The following ANKS1B variants were observed in gnomAD, a reference collection of about 807,000 sequenced individuals.
ANKS1B encodes the protein ankyrin repeat and sterile alpha motif domain-containing protein 1B.
ANKS1B carries 36 observed loss-of-function variants against 148.3 expected under a neutral mutation model. The ratio of observed to expected loss-of-function variants is 0.24; its 90% confidence interval spans 0.19 to 0.32. The LOEUF is 0.32. ANKS1B is among the 10% of genes least tolerant of loss of function. The pLI is 1.00. For synonymous variants in ANKS1B, 542 were observed against 560.8 expected (o/e 0.97, Z 0.47); for missense variants, 1,157 against 1,542.6 (o/e 0.75, Z 4.19).
intron 8 of ANKS1B, among the ~76,000 whole-genome samples, chr12:99,765,203 T>A (rs1016652737): frequency 6.6e-6 from 1 of 152,202 alleles, no homozygotes; most frequent in Non-Finnish European, 1.5e-5. Context: ...AAAACCTACC[T>A]CATGGGATTG....
At chr12:98,872,598 C>T (rs1342699107) in intron 17 of ANKS1B, among the ~76,000 whole-genome samples, 1 of 152,072 alleles carries the variant, frequency 6.6e-6, no homozygotes. Flanking sequence ...AAGCCCTAAT[C>T]CCATAAAACT....
At chr12:99,327,514 A>T (rs1473038878) in intron 12 of ANKS1B, among the ~76,000 whole-genome samples, 1 of 143,330 alleles carries the variant, frequency 7.0e-6, no homozygotes, top group Non-Finnish European at 1.5e-5. Context: ...AGGTTTGTAT[A>T]CATATACTCT....
chr12:99,725,595 A>G (rs181377429), intron 8 of ANKS1B, among the ~76,000 whole-genome samples: 5 of 152,192 alleles, frequency 3.3e-5, no homozygotes, highest in Admixed American at 1.3e-4. Context: ...GGACACATCA[A>G]TGAGACAGAA....
intron 10 of ANKS1B, among the ~76,000 whole-genome samples, chr12:99,453,184 G>A (rs986551369): frequency 2.6e-5 from 4 of 152,082 alleles, no homozygotes; most frequent in Admixed American, 6.5e-5. Context: ...CAGCTACTCC[G>A]GAGGCTGAGC....
chr12:99,825,859 A>G (rs2083115515), intron 1 of ANKS1B, among the ~76,000 whole-genome samples: 1 of 152,174 alleles, frequency 6.6e-6, no homozygotes, highest in Non-Finnish European at 1.5e-5. Flanking sequence ...TTGCTCTTCA[A>G]TTGCAACCAG....
intron 1 of ANKS1B, among the ~76,000 whole-genome samples, chr12:99,842,333 A>G (rs2085879978): frequency 6.6e-6 from 1 of 152,130 alleles, no homozygotes; most frequent in Non-Finnish European, 1.5e-5. Context: ...ATTTATTTAG[A>G]ATTTTTTTGA....
intron 8 of ANKS1B, among the ~76,000 whole-genome samples, chr12:99,762,761 C>T (rs1190953802): frequency 2.6e-5 from 4 of 152,036 alleles, no homozygotes; most frequent in African/African-American, 4.8e-5. Flanking sequence ...ACAATCCATG[C>T]ATCTGACAAA....
chr12:99,979,943 T>C lies in ANKS1B; in HGVS notation c.134+4161A>G, dbSNP rs1014702604. ...TGTTGAATTTAGGTTATAGAAAACATGCTTATTACATCTCTGGATGATACA... is the reference window on the plus strand; with the variant it reads ...TGTTGAATTTAGGTTATAGAAAACACGCTTATTACATCTCTGGATGATACA... On this transcript the variant is annotated intron_variant, in intron 1 of 26. Transcript: ENST00000683438. Among the ~76,000 whole-genome samples the C allele has an allele frequency of 4.6e-5, 7 of 152,052 alleles. No homozygotes were observed. In the South Asian group the frequency reaches 8.3e-4, roughly 18 times the overall value.
At chr12:99,660,355 T>C (rs910693438) in intron 8 of ANKS1B, among the ~76,000 whole-genome samples, 4 of 133,744 alleles carry the variant, frequency 3.0e-5, no homozygotes, top group African/African-American at 8.9e-5. Context: ...ATCTTTCTTT[T>C]TCTTTTTCTT....
chr12:98,765,520 T>A (rs2098468870), intron 25 of ANKS1B, among the ~76,000 whole-genome samples: 1 of 151,932 alleles, frequency 6.6e-6, no homozygotes, highest in Admixed American at 6.6e-5. Flanking sequence ...TGCCTCAGCA[T>A]CCCAAAGTGC....
At chr12:99,982,392 A>C (rs2095715483) in intron 1 of ANKS1B, among the ~76,000 whole-genome samples, 1 of 151,772 alleles carries the variant, frequency 6.6e-6, no homozygotes, top group Non-Finnish European at 1.5e-5. Flanking sequence ...TTTGCTTTTG[A>C]GTTTTGTCAC....
At chr12:99,394,092 T>C (rs1293793138) in intron 12 of ANKS1B, among the ~76,000 whole-genome samples, 1 of 152,204 alleles carries the variant, frequency 6.6e-6, no homozygotes, top group African/African-American at 2.4e-5. Context: ...TCACATCATA[T>C]ACCTCCTTTG....
chr12:99,877,563 A>C (rs2092196598), intron 1 of ANKS1B, among the ~76,000 whole-genome samples: 4 of 152,204 alleles, frequency 2.6e-5, no homozygotes, highest in Admixed American at 2.6e-4. Flanking sequence ...TGAGAGGTAA[A>C]TTTATTTTCA....
intron 12 of ANKS1B, among the ~76,000 whole-genome samples, chr12:99,343,167 C>CT (rs1202188566): frequency 1.3e-5 from 2 of 151,976 alleles, no homozygotes; most frequent in Non-Finnish European, 2.9e-5. Context: ...ACACATATAT[C>CT]TTTTAAGTCT....
chr12:99,935,672 T>C (rs1265369700), intron 1 of ANKS1B, among the ~76,000 whole-genome samples: 2 of 152,146 alleles, frequency 1.3e-5, no homozygotes, highest in African/African-American at 4.8e-5. Context: ...CAATAAGCCC[T>C]CTAATGCTCC....
At chr12:98,768,396 T>C (rs1182528516) in intron 25 of ANKS1B, among the ~76,000 whole-genome samples, 1 of 130,060 alleles carries the variant, frequency 7.7e-6, no homozygotes, top group African/African-American at 2.9e-5. Context: ...AAATGTGTTC[T>C]GCAGAAGGCC....
At chr12:99,197,105 TCATAGGTCCAATCTGAACGGAG>T (rs1461421210) in intron 14 of ANKS1B, among the ~76,000 whole-genome samples, 1 of 152,066 alleles carries the variant, frequency 6.6e-6, no homozygotes, top group African/African-American at 2.4e-5. Context: ...TGGGCCTGGG[TCATAGGTCCAATCTGAACGGAG>T]AGATATTGTA....
intron 11 of ANKS1B, among the ~76,000 whole-genome samples, chr12:99,440,792 T>C (rs2095537640): frequency 6.6e-6 from 1 of 151,838 alleles, no homozygotes; most frequent in Non-Finnish European, 1.5e-5. Flanking sequence ...ATGCTCTCCA[T>C]TTACAGGTAG....
chr12:99,035,443 A>C (rs943362898), intron 17 of ANKS1B, among the ~76,000 whole-genome samples: 5 of 152,200 alleles, frequency 3.3e-5, no homozygotes, highest in African/African-American at 1.2e-4. Flanking sequence ...TATTAGCATT[A>C]GATCAGACCC....
Sources: allele counts gnomAD v4.1 joint callset (sites outside exome capture counted in the v4.1 genomes callset), GRCh38; gene constraint gnomAD v4.1.1; transcripts MANE v1.5; gene names NCBI Gene and HGNC (gene_info 2026-07-23, HGNC 2026-07-21).